Variants in ADAMTS12 observed in about 807,000 individuals in gnomAD.
ADAMTS12 encodes the protein ADAM metallopeptidase with thrombospondin type 1 motif 12, also known as A disintegrin and metalloproteinase with thrombospondin motifs 12.
ADAMTS12 carries 118 observed loss-of-function variants against 167.8 expected under a neutral mutation model. That is an observed-to-expected ratio of 0.70 (90% confidence interval 0.61 to 0.82). The LOEUF is 0.82. Ranked by LOEUF, ADAMTS12 falls within the 40% of genes least tolerant of loss-of-function variation. The pLI is 0.00. For synonymous variants in ADAMTS12, 704 were observed against 716.9 expected, an observed-to-expected ratio of 0.98 and a Z score of 0.29; for missense variants, 1,916 against 1,998.8, an observed-to-expected ratio of 0.96 and a Z score of 0.79.
At chr5:33,724,531 A>G (rs1423852835) in intron 3 of ADAMTS12, among the ~76,000 whole-genome samples, 4 of 152,002 alleles carry the variant, frequency 2.6e-5, no homozygotes, top group Non-Finnish European at 5.9e-5. Flanking sequence ...CTTGGTCATC[A>G]AGGCTAACAG....
chr5:33,649,875 G>C (rs1740812831), intron 7 of ADAMTS12, among the ~76,000 whole-genome samples, 178 bp from the exon 8 acceptor site: 1 of 121,366 alleles, frequency 8.2e-6, no homozygotes, highest in African/African-American at 2.8e-5. Flanking sequence ...AAATGAAAAA[G>C]GACAGGGAGC....
At chr5:33,541,927 C>T (rs1318097606) in intron 22 of ADAMTS12, among the ~76,000 whole-genome samples, 1 of 152,172 alleles carries the variant, frequency 6.6e-6, no homozygotes, top group Non-Finnish European at 1.5e-5. Context: ...GAAACTGCAT[C>T]AATTAACGGG....
chr5:33,746,216 T>C (rs1287565473), intron 3 of ADAMTS12, among the ~76,000 whole-genome samples: 1 of 152,228 alleles, frequency 6.6e-6, no homozygotes, highest in African/African-American at 2.4e-5. Flanking sequence ...ATTCCAATAG[T>C]ACCATCTACT....
chr5:33,523,554 A>T lies in ADAMTS12; in HGVS notation c.*3634T>A, dbSNP rs1329666845. On this transcript the variant is annotated 3_prime_UTR_variant, in exon 24 of 24. Coordinates refer to ENST00000504830, the MANE Select transcript of ADAMTS12 (RefSeq NM_030955.4). ...CATCAATGAGTTTGGCTATTTATTG[A>T]TGCCACACAGAGGGAGGTTATGATT... 1 of 152,202 alleles carries T rather than the reference A, an allele frequency of 6.6e-6. No individual in the cohort carries two copies. Among genetic ancestry groups the T allele is most frequent in the Non-Finnish European group, 1.5e-5 (1 of 68,034 alleles). The allele number at this position is 152,202 out of a possible 1,614,324, so 9.4% of individuals were successfully genotyped here.
At chr5:33,549,674 A>G (rs905730859) in intron 20 of ADAMTS12, among the ~76,000 whole-genome samples, 5 of 152,198 alleles carry the variant, frequency 3.3e-5, no homozygotes, top group Admixed American at 2.6e-4. Flanking sequence ...TGGGATCATA[A>G]CTGCTACCTC....
intron 3 of ADAMTS12, among the ~76,000 whole-genome samples, chr5:33,741,287 G>A (rs1306890594): frequency 2.6e-5 from 4 of 152,180 alleles, no homozygotes; most frequent in African/African-American, 7.2e-5. Flanking sequence ...GGAAGGCCTA[G>A]ATAAGGTATC....
chr5:33,878,190 G>A (rs1391841134), intron 2 of ADAMTS12, among the ~76,000 whole-genome samples: 2 of 152,170 alleles, frequency 1.3e-5, no homozygotes, highest in African/African-American at 4.8e-5. Context: ...GGTGGACACT[G>A]GCAAATTGTG....
At position 33,630,821 on chromosome 5, in the gene ADAMTS12, C is replaced by T. The variant is rs773280958; in HGVS notation, c.1981G>A (p.Gly661Ser). Residue 661 changes from glycine (G) to serine (S), a missense_variant, in exon 13 of 24, where the codon GGC becomes AGC. Gly to Ser is a moderately conservative substitution (Grantham distance 56). Transcript: ENST00000504830. Reference protein sequence around the residue: ...AVIDGTPCFEGGNSRNVCING... With the variant: ...AVIDGTPCFESGNSRNVCING... ...ATACAGACATTTCTGCTGTTGCCGC[C>T]TTCAAAGCAAGGGGTACCATCAATG... 3 of 1,613,674 alleles carry T rather than the reference C, an allele frequency of 1.9e-6. No homozygotes were observed. Among genetic ancestry groups the T allele is most frequent in the Non-Finnish European group, 2.5e-6 (3 of 1,179,692 alleles).
At position 33,789,205 on chromosome 5, in the gene ADAMTS12, G is replaced by A. The variant is rs563990732; in HGVS notation, c.490-37657C>T. 7.0e-4 allele frequency among the ~76,000 whole-genome samples: 106 copies of A among 152,342 alleles called. 2 individuals are homozygous for A. In the South Asian group the frequency reaches 0.021, roughly 31 times the overall value. ...CTCACACACACTCAGCAAGGAGAGA[G>A]CCTGACGGCTGCTGTGTCCCAGGCC... On this transcript the variant is annotated intron_variant, in intron 2 of 23. Transcript: ENST00000504830.
chr5:33,585,170 A>G (rs534386320), intron 18 of ADAMTS12, among the ~76,000 whole-genome samples: 92 of 152,288 alleles, frequency 6.0e-4, no homozygotes, highest in Non-Finnish European at 1.1e-3. Flanking sequence ...AATTTTGGCA[A>G]TTTATTTTAA....
intron 2 of ADAMTS12, among the ~76,000 whole-genome samples, chr5:33,859,789 T>C (rs980841347): frequency 9.9e-5 from 15 of 152,166 alleles, no homozygotes; most frequent in African/African-American, 3.6e-4. Context: ...GGTGCCCCTC[T>C]GGGACAAAGC....
chr5:33,865,598 C>T (rs1015276513), intron 2 of ADAMTS12, among the ~76,000 whole-genome samples: 1 of 152,074 alleles, frequency 6.6e-6, no homozygotes, highest in African/African-American at 2.4e-5. Context: ...ATTCAACATA[C>T]TACTGGAAGT....
intron 2 of ADAMTS12, among the ~76,000 whole-genome samples, chr5:33,864,144 A>G (rs1749723572): frequency 6.6e-6 from 1 of 151,980 alleles, no homozygotes; most frequent in African/African-American, 2.4e-5. Context: ...CAAATTTACA[A>G]GAAAAAAGCA....
At position 33,891,712 on chromosome 5, in the gene ADAMTS12, TAAA is replaced by T; in HGVS notation, c.127+15_127+17del. 1 of 1,613,240 alleles carries T rather than the reference TAAA, an allele frequency of 6.2e-7. No homozygotes were observed. The highest frequency in any genetic ancestry group is 8.5e-7 in the Non-Finnish European group (1 of 1,179,768). ...TTACCACCACTGTTTTAAAAAGAAA[TAAA>T]GAAGAGTCACTAACCTTGCCTCCTG... On this transcript the variant is annotated intron_variant, in intron 1 of 23. Transcript: ENST00000504830.
chr5:33,852,205 A>C (rs545265717), intron 2 of ADAMTS12, among the ~76,000 whole-genome samples: 1 of 152,350 alleles, frequency 6.6e-6, no homozygotes, highest in South Asian at 2.1e-4. Context: ...TTTGGTAAAC[A>C]GAAAAAAAAA....
Position 33,575,756 on chromosome 5 carries a change from A to G in ADAMTS12, c.3972+298T>C, listed in dbSNP as rs188383046. On this transcript the variant is annotated intron_variant, in intron 19 of 23. Transcript: ENST00000504830. ...AGACATTATTCTGTGTGATATACAC[A>G]ACATCCTTCAGAATTGTACACGGCA... Among the ~76,000 whole-genome samples the G allele has an allele frequency of 6.2e-4, 94 of 152,334 alleles. 2 individuals are homozygous for G. Among genetic ancestry groups the G allele is most frequent in the Admixed American group, 5.9e-3 (90 of 15,302 alleles).
intron 2 of ADAMTS12, among the ~76,000 whole-genome samples, chr5:33,872,352 T>C (rs913162518): frequency 1.3e-5 from 2 of 152,040 alleles, no homozygotes; most frequent in African/African-American, 4.8e-5. Flanking sequence ...GAGACCAGCC[T>C]GGCCAATATG....
intron 3 of ADAMTS12, among the ~76,000 whole-genome samples, chr5:33,705,265 T>TGG (rs1302734136): frequency 2.7e-5 from 3 of 111,086 alleles, no homozygotes; most frequent in Non-Finnish European, 3.7e-5. Flanking sequence ...TAGTATTCCA[T>TGG]GGTGTGTGTG....
chr5:33,806,400 C>T (rs1747231681), intron 2 of ADAMTS12, among the ~76,000 whole-genome samples: 1 of 152,200 alleles, frequency 6.6e-6, no homozygotes, highest in Non-Finnish European at 1.5e-5. Flanking sequence ...AGCTCAGGGG[C>T]TTTTCAATAC....
Sources: allele counts gnomAD v4.1 joint callset (sites outside exome capture counted in the v4.1 genomes callset), GRCh38; gene constraint gnomAD v4.1.1; transcripts MANE v1.5; gene names NCBI Gene and HGNC (gene_info 2026-07-23, HGNC 2026-07-21).